The following XYLT1 variants were observed in gnomAD, a reference collection of about 807,000 sequenced individuals.
XYLT1 encodes the protein xylosyltransferase 1, also known as beta-D-xylosyltransferase 1.
In XYLT1, 36 loss-of-function variants were observed where a neutral mutation model predicts 91.3. The ratio of observed to expected loss-of-function variants is 0.39; its 90% CI spans 0.30 to 0.52. The LOEUF is 0.52. Ranked by LOEUF, XYLT1 falls within the 20% of genes least tolerant of loss-of-function variation. The probability of loss-of-function intolerance (pLI) is 0.68; values close to 1 mark genes in which losing one functional copy is unlikely to be tolerated. For synonymous variants in XYLT1, 588 were observed against 532.0 expected (o/e 1.11, Z -1.45); for missense variants, 1,242 against 1,284.5 (o/e 0.97, Z 0.51).
intron 6 of XYLT1, among the ~76,000 whole-genome samples, chr16:17,155,233 T>G (rs2031376137): frequency 6.6e-6 from 1 of 152,146 alleles, no homozygotes; most frequent in Non-Finnish European, 1.5e-5. Context: ...GCAAGTAACT[T>G]CATCTTTTTG....
chr16:17,456,381 A>G (rs1596555748), intron 1 of XYLT1, among the ~76,000 whole-genome samples: 2 of 128,992 alleles, frequency 1.6e-5, no homozygotes, highest in African/African-American at 6.1e-5. Context: ...TCGGTCACCC[A>G]GGCTGGAGTG....
At chr16:17,317,349 C>A (rs62032042) in intron 2 of XYLT1, among the ~76,000 whole-genome samples, 38,100 of 151,822 alleles carry the variant, frequency 0.25, 5,424 homozygotes, top group African/African-American at 0.39. Flanking sequence ...ATAATGGCAT[C>A]AGATGAGGCA....
rs117001239 is a variant in XYLT1, at chr16:17,370,186, G to A, written c.364-12136C>T. On this transcript the variant is annotated intron_variant, in intron 1 of 11. Transcript: ENST00000261381. ...GTCTCAATGGCTTTGTTTCTGAAAC[G>A]ATCAATTCTACACCCAGAAAGCCAA... Among the ~76,000 whole-genome samples the A allele has an allele frequency of 2.8e-3, 433 of 152,252 alleles. 1 individual carries two copies. Among genetic ancestry groups the A allele is most frequent in the Non-Finnish European group, 3.7e-3 (255 of 68,018 alleles).
rs71373109 is a variant in XYLT1 at position 17,383,752 on chromosome 16, C to CTTTT, written c.364-25706_364-25703dup. On this transcript the variant is annotated intron_variant, in intron 1 of 11. Coordinates refer to ENST00000261381, the MANE Select transcript of XYLT1 (RefSeq NM_022166.4). The stretch of plus-strand genomic sequence containing the variant: ...GCTGTGTGACCCAAAGTGGAATTTT[C>CTTTT]TTTTTTTTTTTTGAGACGGAGTTTC... Among the ~76,000 whole-genome samples the CTTTT allele has an allele frequency of 1.5e-4, 21 of 135,596 alleles. 1 individual carries two copies. Among genetic ancestry groups the CTTTT allele is most frequent in the Non-Finnish European group, 3.1e-4 (19 of 62,260 alleles). The allele number at this position is 135,596 out of a possible 152,430, so 89.0% of individuals were successfully genotyped here. A position where few individuals can be genotyped will look rare whatever the true frequency, so the allele number is the denominator to read the frequency against.
intron 10 of XYLT1, among the ~76,000 whole-genome samples, chr16:17,121,980 GCACA>G (rs371501882): frequency 4.6e-4 from 69 of 151,272 alleles, no homozygotes; most frequent in African/African-American, 1.4e-3. Flanking sequence ...ATATATATGC[GCACA>G]CACACACACA....
At chr16:17,349,287 C>A (rs1391618716) in intron 2 of XYLT1, among the ~76,000 whole-genome samples, 1 of 152,194 alleles carries the variant, frequency 6.6e-6, no homozygotes, top group Admixed American at 6.5e-5. Context: ...CATATCAAAT[C>A]TCTGTATCAA....
chr16:17,435,117 G>A (rs1459640249), intron 1 of XYLT1, among the ~76,000 whole-genome samples: 4 of 152,168 alleles, frequency 2.6e-5, no homozygotes, highest in Admixed American at 1.3e-4. Flanking sequence ...TGCCTTCTGC[G>A]TACATGGTTC....
intron 3 of XYLT1, among the ~76,000 whole-genome samples, chr16:17,253,577 T>C (rs2033578189): frequency 6.6e-6 from 1 of 152,162 alleles, no homozygotes; most frequent in African/African-American, 2.4e-5. Flanking sequence ...GTACAGTTCT[T>C]AGCTGTGTAC....
intron 5 of XYLT1, among the ~76,000 whole-genome samples, chr16:17,183,684 G>C (rs2032118492): frequency 6.6e-6 from 1 of 152,216 alleles, no homozygotes; most frequent in Non-Finnish European, 1.5e-5. Flanking sequence ...AAGTAGTCAA[G>C]AAATGTCAGC....
At chr16:17,214,992 T>A (rs1339903480) in intron 3 of XYLT1, among the ~76,000 whole-genome samples, 1 of 152,082 alleles carries the variant, frequency 6.6e-6, no homozygotes, top group Non-Finnish European at 1.5e-5. Flanking sequence ...CCCCGAAAAT[T>A]AATATGTTGA....
At chr16:17,348,485 C>T (rs1240921174) in intron 2 of XYLT1, among the ~76,000 whole-genome samples, 1 of 152,152 alleles carries the variant, frequency 6.6e-6, no homozygotes, top group East Asian at 1.9e-4. Context: ...CTCCCAAACT[C>T]TGTGGTCTTG....
chr16:17,303,485 T>C (rs972617201), intron 2 of XYLT1, among the ~76,000 whole-genome samples: 1 of 152,210 alleles, frequency 6.6e-6, no homozygotes, highest in Non-Finnish European at 1.5e-5. Context: ...TGTGAGCATA[T>C]AAAAATGTTT....
intron 2 of XYLT1, among the ~76,000 whole-genome samples, chr16:17,272,571 T>G (rs1393668969): frequency 6.6e-6 from 1 of 152,170 alleles, no homozygotes; most frequent in Non-Finnish European, 1.5e-5. Flanking sequence ...TAACTTAATC[T>G]CGGCCCACAT....
intron 1 of XYLT1, among the ~76,000 whole-genome samples, chr16:17,456,391 G>A (rs964215620): frequency 2.8e-5 from 4 of 144,188 alleles, no homozygotes; most frequent in African/African-American, 1.1e-4. Flanking sequence ...AGGCTGGAGT[G>A]CAGTGGTGCG....
chr16:17,436,332 G>T (rs969831644), intron 1 of XYLT1, among the ~76,000 whole-genome samples: 1 of 152,154 alleles, frequency 6.6e-6, no homozygotes, highest in African/African-American at 2.4e-5. Context: ...CTTGCCCAAG[G>T]TCATACAGAC....
At chr16:17,430,367 C>A in intron 1 of XYLT1, among the ~76,000 whole-genome samples, 1 of 152,162 alleles carries the variant, frequency 6.6e-6, no homozygotes, top group East Asian at 1.9e-4. Context: ...AAGTATAACA[C>A]AAAATATCCC....
chr16:17,304,110 G>A (rs2034437998), intron 2 of XYLT1, among the ~76,000 whole-genome samples: 1 of 152,102 alleles, frequency 6.6e-6, no homozygotes, highest in African/African-American at 2.4e-5. Flanking sequence ...TATGTTGGAA[G>A]GTAAGAAGGC....
At chr16:17,178,744 A>T (rs2032000984) in intron 5 of XYLT1, among the ~76,000 whole-genome samples, 2 of 152,168 alleles carry the variant, frequency 1.3e-5, no homozygotes, top group Admixed American at 6.5e-5. Flanking sequence ...TGTACCACAA[A>T]ACCTAAAATA....
At chr16:17,164,145 C>A (rs1237554146) in intron 5 of XYLT1, among the ~76,000 whole-genome samples, 1 of 148,460 alleles carries the variant, frequency 6.7e-6, no homozygotes, top group African/African-American at 2.5e-5. Flanking sequence ...TGCTTTCAAC[C>A]TAAGCTGAGA....
Sources: allele counts gnomAD v4.1 joint callset (sites outside exome capture counted in the v4.1 genomes callset), GRCh38; gene constraint gnomAD v4.1.1; transcripts MANE v1.5; gene names NCBI Gene and HGNC (gene_info 2026-07-23, HGNC 2026-07-21).